CSMD1: variants seen among roughly 807,000 people sequenced by gnomAD.
CSMD1 encodes CUB and sushi domain-containing protein 1.
A neutral mutation model predicts 417.5 loss-of-function variants in CSMD1; 213 were observed. That is an observed-to-expected ratio of 0.51 (90% CI 0.46 to 0.57). The LOEUF (loss-of-function observed/expected upper bound fraction) is 0.57, where lower values mean the gene tolerates loss of function less well. Ranked by LOEUF, CSMD1 falls within the 20% of genes least tolerant of loss-of-function variation. The pLI is 0.00. For synonymous variants in CSMD1, 2,862 were observed against 1,736.8 expected, an observed-to-expected ratio of 1.65 and a Z score of -16.11; for missense variants, 6,923 against 4,529.7, an observed-to-expected ratio of 1.53 and a Z score of -15.17.
chr8:3,266,548 G>C (rs1338241336), intron 26 of CSMD1, among the ~76,000 whole-genome samples: 1 of 145,494 alleles, frequency 6.9e-6, no homozygotes, highest in Non-Finnish European at 1.5e-5. Context: ...AGAGGTTGCA[G>C]TGAGCCGAGA....
chr8:4,993,106 G>A (rs1359918896), intron 1 of CSMD1, among the ~76,000 whole-genome samples: 1 of 152,134 alleles, frequency 6.6e-6, no homozygotes, highest in African/African-American at 2.4e-5. Flanking sequence ...TCTTCCATCT[G>A]GACCACTGGA....
chr8:4,658,397 C>T (rs1334493529), intron 1 of CSMD1, among the ~76,000 whole-genome samples: 3 of 152,020 alleles, frequency 2.0e-5, no homozygotes. Context: ...GAAAGAGCAC[C>T]TGCAAATTTC....
chr8:3,850,542 A>G (rs930090211), intron 5 of CSMD1, among the ~76,000 whole-genome samples: 3 of 152,056 alleles, frequency 2.0e-5, no homozygotes, highest in African/African-American at 7.2e-5. Flanking sequence ...TATGGATACA[A>G]AAATTAGCCG....
chr8:3,974,521 A>C (rs1813294723), intron 5 of CSMD1, among the ~76,000 whole-genome samples: 1 of 152,058 alleles, frequency 6.6e-6, no homozygotes, highest in Non-Finnish European at 1.5e-5. Context: ...AAAATCTTTC[A>C]TAGTAGTTGT....
At position 4,593,383 on chromosome 8, in the gene CSMD1, T is replaced by A. The variant is rs547035569; in HGVS notation, c.302+43959A>T. Among the ~76,000 whole-genome samples the A allele has an allele frequency of 8.7e-4, 133 of 152,320 alleles. 1 individual carries two copies. Among genetic ancestry groups the A allele is most frequent in the African/African-American group, 3.0e-3 (125 of 41,572 alleles). On this transcript the variant is annotated intron_variant, in intron 2 of 69. Transcript: ENST00000635120. Reference sequence around the variant, plus strand: ...CATGATAAAAAATTAAGCATAATAATTTTAGTGCTAATTATGTATTTTTGG... The same window carrying A: ...CATGATAAAAAATTAAGCATAATAAATTTAGTGCTAATTATGTATTTTTGG...
intron 46 of CSMD1, among the ~76,000 whole-genome samples, chr8:3,104,071 T>G (rs1008218165): frequency 6.6e-5 from 10 of 152,172 alleles, no homozygotes; most frequent in Admixed American, 2.0e-4. Flanking sequence ...AGCAGCACAT[T>G]TGATACATAC....
intron 5 of CSMD1, among the ~76,000 whole-genome samples, chr8:3,848,572 C>G (rs922932681): frequency 1.3e-5 from 2 of 152,122 alleles, no homozygotes; most frequent in Non-Finnish European, 2.9e-5. Context: ...TTGTGCTGCT[C>G]CTTGTAAATA....
intron 3 of CSMD1, among the ~76,000 whole-genome samples, chr8:4,195,968 T>C (rs769903105): frequency 6.6e-6 from 1 of 151,656 alleles, no homozygotes; most frequent in Non-Finnish European, 1.5e-5. Context: ...TCCCAACACT[T>C]TGGGGCACCG....
intron 4 of CSMD1, among the ~76,000 whole-genome samples, chr8:4,011,729 G>C (rs1473076791): frequency 1.3e-5 from 2 of 152,130 alleles, no homozygotes; most frequent in East Asian, 1.9e-4. Flanking sequence ...GGAGTTATCA[G>C]CATACTTTTT....
intron 5 of CSMD1, among the ~76,000 whole-genome samples, chr8:3,992,329 G>A (rs1357426378): frequency 2.6e-5 from 4 of 152,004 alleles, no homozygotes; most frequent in African/African-American, 9.7e-5. Flanking sequence ...GGAACTCTGG[G>A]GTGACAGTTT....
At chr8:4,268,357 C>T (rs556783547) in intron 3 of CSMD1, among the ~76,000 whole-genome samples, 57 of 152,168 alleles carry the variant, frequency 3.7e-4, no homozygotes, top group African/African-American at 1.0e-3. Flanking sequence ...CTAATGTTTT[C>T]CTCTTGGATC....
chr8:4,135,448 A>G (rs544594220), intron 3 of CSMD1, among the ~76,000 whole-genome samples: 1 of 151,280 alleles, frequency 6.6e-6, no homozygotes, highest in Non-Finnish European at 1.5e-5. Context: ...GACGGAAATT[A>G]TCAGAAGCAA....
At chr8:3,320,218 C>T (rs1806063239) in intron 23 of CSMD1, among the ~76,000 whole-genome samples, 1 of 152,156 alleles carries the variant, frequency 6.6e-6, no homozygotes, top group African/African-American at 2.4e-5. Context: ...GGCCCGTGGC[C>T]CTGGCACTAG....
At chr8:3,528,922 AAAT>A (rs1201034296) in intron 10 of CSMD1, among the ~76,000 whole-genome samples, 4 of 151,616 alleles carry the variant, frequency 2.6e-5, no homozygotes, top group African/African-American at 2.4e-5. Flanking sequence ...AAAATATGAT[AAAT>A]AATATAATCC....
chr8:3,920,876 G>C (rs1317402504), intron 5 of CSMD1, among the ~76,000 whole-genome samples: 1 of 152,146 alleles, frequency 6.6e-6, no homozygotes, highest in Non-Finnish European at 1.5e-5. Context: ...CATTTTGCTA[G>C]TGTTTTGTTG....
chr8:4,681,619 T>C (rs1334245410), intron 1 of CSMD1, among the ~76,000 whole-genome samples: 2 of 152,210 alleles, frequency 1.3e-5, no homozygotes, highest in Non-Finnish European at 2.9e-5. Context: ...TATTACTCTG[T>C]GGCTTCACTA....
In CSMD1 at chr8:4,247,375, A is replaced by C. The variant is rs188117906; in HGVS notation, c.415+172578T>G. 1.3e-3 allele frequency among the ~76,000 whole-genome samples: 193 copies of C among 152,268 alleles called. 4 individuals carry two copies. The highest frequency in any genetic ancestry group is 4.4e-3 in the African/African-American group (182 of 41,564). The stretch of plus-strand genomic sequence containing the variant: ...TGTGGACATCTCTTACGAGTAAGGT[A>C]GAGTCAGTTGTAGAATTGGTTGCAT... On this transcript the variant is annotated intron_variant, in intron 3 of 69. Coordinates refer to ENST00000635120, the MANE Select transcript of CSMD1 (RefSeq NM_033225.6).
chr8:4,593,767 G>T (rs1800113657), intron 2 of CSMD1, among the ~76,000 whole-genome samples: 1 of 151,934 alleles, frequency 6.6e-6, no homozygotes, highest in South Asian at 2.1e-4. Flanking sequence ...TTTCCATTTT[G>T]CAAAAAAGGT....
chr8:4,725,859 C>A (rs1357888732), intron 1 of CSMD1, among the ~76,000 whole-genome samples: 1 of 152,096 alleles, frequency 6.6e-6, no homozygotes, highest in Non-Finnish European at 1.5e-5. Context: ...TTGAGACCTA[C>A]CCTCCGACAT....
Sources: allele counts gnomAD v4.1 joint callset (sites outside exome capture counted in the v4.1 genomes callset), GRCh38; gene constraint gnomAD v4.1.1; transcripts MANE v1.5; gene names NCBI Gene and HGNC (gene_info 2026-07-23, HGNC 2026-07-21).